The following MINK1 variants were observed in gnomAD, a reference collection of about 807,000 sequenced individuals.
MINK1 encodes misshapen-like kinase 1.
A neutral mutation model predicts 178.4 loss-of-function variants in MINK1; 46 were observed. The ratio of observed to expected loss-of-function variants is 0.26; its 90% CI spans 0.20 to 0.33. MINK1 has a LOEUF of 0.33. Ranked by LOEUF, MINK1 falls within the 10% of genes least tolerant of loss-of-function variation. MINK1 has a pLI of 1.00. For synonymous variants in MINK1, 797 were observed against 709.7 expected (o/e 1.12, Z -1.96); for missense variants, 1,366 against 1,814.9 (o/e 0.75, Z 4.49).
chr17:4,854,520 G>A (rs901827182), intron 1 of MINK1, among the ~76,000 whole-genome samples: 4 of 152,226 alleles, frequency 2.6e-5, no homozygotes, highest in African/African-American at 9.6e-5. Flanking sequence ...TCATGTATGT[G>A]TCATGTCCTG....
In MINK1 at chr17:4,892,403, C is replaced by T. The variant is rs1213052117; in HGVS notation, c.2089C>T (p.Pro697Ser). The T allele has an allele frequency of 6.4e-7, 1 of 1,551,350 alleles. No individual in the cohort carries two copies. The highest frequency in any genetic ancestry group is 8.7e-7 in the Non-Finnish European group (1 of 1,148,484). The change falls in exon 18 of 32, where the codon CCT (proline) becomes TCT (serine). Residue 697 changes from proline (P) to serine (S), a missense_variant and splice_region_variant. By Grantham distance (74) the Pro-to-Ser change is moderately conservative. This residue lies in a region of MINK1 where 709 missense variants were observed against 692.3 expected (regional missense o/e 1.02). Transcript: ENST00000355280. ...GGCACCCCTGTGCTCCCTTCACAGA[C>T]CTCGCAGCAACTCCGCCTGGCAAAT... Reference protein sequence around the residue: ...SRPAQAVRARPRSNSAWQIYL... With the variant: ...SRPAQAVRARSRSNSAWQIYL...
At position 4,876,772 on chromosome 17, in the gene MINK1, T is replaced by G. The variant is rs918562650; in HGVS notation, c.58-1545T>G. Among the ~76,000 whole-genome samples, 6 of 151,970 alleles carry G rather than the reference T, an allele frequency of 3.9e-5. No individual in the cohort carries two copies. The South Asian group carries it at 6.2e-4, about 16-fold the overall frequency. On this transcript the variant is annotated intron_variant, in intron 1 of 31. Transcript: ENST00000355280. Reference sequence around the variant, plus strand: ...CAGCGGTGGGGACGGGCCCACCCAGTGAAACACCAGGACTGTCAGAACTGT... The same window carrying G: ...CAGCGGTGGGGACGGGCCCACCCAGGGAAACACCAGGACTGTCAGAACTGT...
intron 1 of MINK1, chr17:4,868,755 C>CT (rs1453558373): frequency 3.8e-4 from 88 of 232,580 alleles, no homozygotes; most frequent in South Asian, 8.8e-4. Flanking sequence ...TCTTTTTTTT[C>CT]TTTTTTTTGA....
Position 4,886,502 on chromosome 17 carries a change from G to C in MINK1, c.825G>C (p.Leu275=). Residue 275 remains leucine, a synonymous_variant, in exon 10 of 32, where the codon CTG becomes CTC. Coordinates refer to ENST00000355280, the MANE Select transcript of MINK1 (RefSeq NM_153827.5). The surrounding 1 kb of genome is among the most constrained non-coding windows in gnomAD (Gnocchi z 6.1). ...FIDTCLIKTY[L]SRPPTEQLLK... is the part of the protein sequence containing the mutation. The stretch of plus-strand genomic sequence containing the variant: ...ACACATGTCTCATCAAGACTTACCT[G>C]AGCCGCCCACCCACGGAGCAGCTAC... The C allele has an allele frequency of 1.9e-6, 3 of 1,613,358 alleles. No homozygotes were observed. Among genetic ancestry groups the C allele is most frequent in the South Asian group, 1.1e-5 (1 of 91,046 alleles).
intron 1 of MINK1, among the ~76,000 whole-genome samples, chr17:4,864,438 T>TG (rs1311165491): frequency 6.6e-6 from 1 of 150,928 alleles, no homozygotes; most frequent in Non-Finnish European, 1.5e-5. Flanking sequence ...TAAAGGGCTA[T>TG]GGGGGCCGGG....
At chr17:4,891,200 G>GCACACGCACACA in intron 15 of MINK1, 76 bp downstream of exon 15, 1 of 1,003,382 alleles carries the variant, frequency 1.0e-6, no homozygotes, top group East Asian at 2.8e-5. Flanking sequence ...ACACACGCGC[G>GCACACGCACACA]CACACACACA....
At chr17:4,884,510 C>A in intron 5 of MINK1, 37 bp downstream of exon 5, 2 of 1,462,964 alleles carry the variant, frequency 1.4e-6, no homozygotes, top group Non-Finnish European at 9.6e-7. Flanking sequence ...TTCTCCTCCG[C>A]TACCCTGGCT....
Position 4,885,464 on chromosome 17 carries a change from T to TC in MINK1, c.509-16dup, listed in dbSNP as rs1467314543. ...AGAGGTGACTCCCCACACTGACCCCTCCCTCTGTGTCTTCACAGTGGATTT... is the reference window on the plus strand; with the variant it reads ...AGAGGTGACTCCCCACACTGACCCCTCCCCTCTGTGTCTTCACAGTGGATTT... On this transcript the variant is annotated intron_variant, in intron 6 of 31. Transcript: ENST00000355280. This position sits in a 1 kb window ranked among gnomAD's most constrained non-coding sequence, Gnocchi z 5.0. 6.2e-7 allele frequency: 1 copy of TC among 1,612,852 alleles called. No homozygotes were observed. Among genetic ancestry groups the TC allele is most frequent in the African/African-American group, 1.3e-5 (1 of 74,882 alleles).
In MINK1 at chr17:4,885,152, C is replaced by T; in HGVS notation, c.508+150C>T. 1 of 746,234 alleles carries T rather than the reference C, an allele frequency of 1.3e-6. No homozygotes were observed. The highest frequency in any genetic ancestry group is 2.7e-5 in the East Asian group (1 of 37,146). The allele number at this position is 746,234 out of a possible 1,614,324, so 46.2% of individuals were successfully genotyped here. A position where few individuals can be genotyped will look rare whatever the true frequency, so the allele number is the denominator to read the frequency against. On this transcript the variant is annotated intron_variant, in intron 6 of 31. Coordinates refer to ENST00000355280, the MANE Select transcript of MINK1 (RefSeq NM_153827.5). This position sits in a 1 kb window ranked among gnomAD's most constrained non-coding sequence, Gnocchi z 5.0. Reference sequence around the variant, plus strand: ...CCTTTCCCCTCTCCCCCTGGAATGCCCTGCCTCCTGCTGAAAATCCCTCAG... The same window carrying T: ...CCTTTCCCCTCTCCCCCTGGAATGCTCTGCCTCCTGCTGAAAATCCCTCAG...
chr17:4,850,527 C>CA (rs1491516473), intron 1 of MINK1, among the ~76,000 whole-genome samples: 2 of 151,002 alleles, frequency 1.3e-5, no homozygotes, highest in Admixed American at 1.3e-4. Flanking sequence ...TGGCCCCCCC[C>CA]GCCCTCTACC....
chr17:4,889,779 C>G lies in MINK1; in HGVS notation c.1347+16C>G, dbSNP rs1037142120. On this transcript the variant is annotated intron_variant, in intron 13 of 31. Coordinates refer to ENST00000355280, the MANE Select transcript of MINK1 (RefSeq NM_153827.5). ...GCGCGAGCAGGTAGAGCGCCGCACC[C>G]GCATCCCTGCCCTCCCGCCCTCCCG... is the stretch of plus-strand genomic sequence containing the variant. The G allele has an allele frequency of 2.7e-6, 4 of 1,509,204 alleles. No homozygotes were observed. Among genetic ancestry groups the G allele is most frequent in the Non-Finnish European group, 2.7e-6 (3 of 1,129,438 alleles). 93.5% of individuals were successfully genotyped at this position (1,509,204 alleles called of 1,614,324 possible). A position where few individuals can be genotyped will look rare whatever the true frequency, so the allele number is the denominator to read the frequency against.
At position 4,893,453 on chromosome 17, in the gene MINK1, A is replaced by T; in HGVS notation, c.2420A>T (p.Glu807Val). ...GRPADFVLLK[E>V]RTLDEAPRPP... Reference sequence around the variant, plus strand: ...CTGCAGGACTTTGTGTTGCTGAAAGAGCGGACTCTGGACGAGGCCCCTCGG... The same window carrying T: ...CTGCAGGACTTTGTGTTGCTGAAAGTGCGGACTCTGGACGAGGCCCCTCGG... Residue 807 changes from glutamate (E) to valine (V), a missense_variant, in exon 21 of 32, where the codon GAG becomes GTG. Physicochemically the swap from Glu to Val is moderately radical, Grantham distance 121. Around this residue, in one of 14 missense-constraint regions of MINK1, gnomAD observed 709 missense variants for 692.3 expected, o/e 1.02. Transcript: ENST00000355280. The T allele has an allele frequency of 1.3e-6, 2 of 1,594,064 alleles. No individual in the cohort carries two copies. Among genetic ancestry groups the T allele is most frequent in the Non-Finnish European group, 1.7e-6 (2 of 1,164,208 alleles).
At chr17:4,884,259 A>G in intron 4 of MINK1, 104 bp from the exon 5 acceptor site, 1 of 840,950 alleles carries the variant, frequency 1.2e-6, no homozygotes, top group Non-Finnish European at 2.0e-6. Context: ...TTCTAACCCC[A>G]AGGTCTCTTA....
chr17:4,895,693 C>T lies in MINK1; in HGVS notation c.3230-5C>T, dbSNP rs758063115. The T allele has an allele frequency of 6.2e-7, 1 of 1,612,864 alleles. No individual in the cohort carries two copies. The highest frequency in any genetic ancestry group is 8.5e-7 in the Non-Finnish European group (1 of 1,179,438). Reference sequence around the variant, plus strand: ...GGCGGGTGTGTATGTCTGTCCGTCCCTCAGGGAAAAGGAACAAACTGCGGG... The same window carrying T: ...GGCGGGTGTGTATGTCTGTCCGTCCTTCAGGGAAAAGGAACAAACTGCGGG... On this transcript the variant is annotated splice_polypyrimidine_tract_variant and splice_region_variant and intron_variant, in intron 26 of 31. Coordinates refer to ENST00000355280, the MANE Select transcript of MINK1 (RefSeq NM_153827.5). This position sits in a 1 kb window ranked among gnomAD's most constrained non-coding sequence, Gnocchi z 4.3.
Position 4,894,727 on chromosome 17 carries a change from T to G in MINK1, c.2917+94T>G. ...TCTTGAGACGCAGCCTCACAAAGCA[T>G]AGCCACAGGACCTCTCCCTTGGGCC... is the stretch of plus-strand genomic sequence containing the variant. On this transcript the variant is annotated intron_variant, in intron 24 of 31. Transcript: ENST00000355280. The surrounding 1 kb of genome is among the most constrained non-coding windows in gnomAD (Gnocchi z 4.1). 1.0e-6 allele frequency: 1 copy of G among 978,294 alleles called. No homozygotes were observed. Among genetic ancestry groups the G allele is most frequent in the Non-Finnish European group, 1.6e-6 (1 of 634,248 alleles). The allele number at this position is 978,294 out of a possible 1,614,324, so 60.6% of individuals were successfully genotyped here.
At chr17:4,864,256 A>G (rs889832690) in intron 1 of MINK1, among the ~76,000 whole-genome samples, 9 of 150,940 alleles carry the variant, frequency 6.0e-5, no homozygotes, top group African/African-American at 1.9e-4. Context: ...AAAATTAGCC[A>G]GGCGTGGTGG....
At chr17:4,835,926 G>A (rs1909245792) in intron 1 of MINK1, among the ~76,000 whole-genome samples, 1 of 152,110 alleles carries the variant, frequency 6.6e-6, no homozygotes, top group Non-Finnish European at 1.5e-5. Flanking sequence ...CCTGCCTTAA[G>A]CTGCTTAAGA....
chr17:4,860,976 C>G (rs1914081197), intron 1 of MINK1, among the ~76,000 whole-genome samples: 2 of 152,198 alleles, frequency 1.3e-5, no homozygotes, highest in South Asian at 4.1e-4. Context: ...CCTTGCCTGC[C>G]TCAGGCCACC....
chr17:4,864,975 C>T (rs1678230038), intron 1 of MINK1, among the ~76,000 whole-genome samples: 2 of 152,234 alleles, frequency 1.3e-5, no homozygotes, highest in African/African-American at 4.8e-5. Context: ...CTTCACAGCA[C>T]ATAAGACAGA....
Sources: gnomAD v4.1 joint callset for allele counts (sites outside exome capture counted in the v4.1 genomes callset) on GRCh38, gnomAD v4.1.1 for gene constraint, gnomAD v4.1.1 regional missense constraint, Gnocchi (gnomAD v3.1) non-coding constraint, MANE v1.5 for transcripts, NCBI Gene and HGNC (gene_info 2026-07-23, HGNC 2026-07-21) for gene names.